MTFR1: variants seen among roughly 807,000 people sequenced by gnomAD.
MTFR1 encodes chondrocyte protein with a poly-proline region.
Under a neutral mutation model 38.8 loss-of-function variants are expected in MTFR1, and 28 were observed. That is an observed-to-expected ratio of 0.72 (90% CI 0.53 to 0.99). The LOEUF (loss-of-function observed/expected upper bound fraction) is 0.99. Ranked by LOEUF, MTFR1 falls within the 50% of genes least tolerant of loss-of-function variation. MTFR1 has a pLI of 0.00. For missense variants in MTFR1, 358 were observed against 395.5 expected (o/e 0.91, Z 0.81); for synonymous variants, 145 against 137.0 (o/e 1.06, Z -0.41).
At chr8:65,703,194 T>C (rs1805666424) in intron 4 of MTFR1, among the ~76,000 whole-genome samples, 1 of 151,246 alleles carries the variant, frequency 6.6e-6, no homozygotes, top group African/African-American at 2.4e-5. Flanking sequence ...CTGGGCAACA[T>C]TGTGAGACCC....
At chr8:65,706,987 T>C in intron 5 of MTFR1, 23 bp from the exon 6 acceptor site, 1 of 1,562,084 alleles carries the variant, frequency 6.4e-7, no homozygotes, top group Non-Finnish European at 8.6e-7. Context: ...TGGGATTAAG[T>C]TTGTTTTCCT....
At position 65,677,454 on chromosome 8, in the gene MTFR1, C is replaced by T. The variant is rs1804747584; in HGVS notation, c.67-4899C>T. ...CAGGAGTGCAGTGGCACGATGTCAG[C>T]TCACGGCAACCTCTGCCTCCCAGGT... is the stretch of plus-strand genomic sequence containing the variant. On this transcript the variant is annotated intron_variant, in intron 2 of 7. Transcript: ENST00000262146. 1.4e-5 allele frequency among the ~76,000 whole-genome samples: 2 copies of T among 146,284 alleles called. 1 individual carries two copies. Among genetic ancestry groups the T allele is most frequent in the South Asian group, 4.4e-4 (2 of 4,552 alleles).
chr8:65,710,992 G>C (rs57516975), downstream of MTFR1, among the ~76,000 whole-genome samples: 1 of 139,578 alleles, frequency 7.2e-6, no homozygotes, highest in African/African-American at 2.9e-5. Context: ...TATATATATA[G>C]AGAGAGAGAG....
In MTFR1 at chr8:65,709,102, T is replaced by G; in HGVS notation, c.*58T>G. The stretch of plus-strand genomic sequence containing the variant: ...CCCTGTTGATTTGTGAGGGCCAAGT[T>G]TGCTAGTAGAAATCGACACTGTTTA... On this transcript the variant is annotated 3_prime_UTR_variant, in exon 8 of 8. Coordinates refer to ENST00000262146, the MANE Select transcript of MTFR1 (RefSeq NM_014637.4). 1 of 1,502,552 alleles carries G rather than the reference T, an allele frequency of 6.7e-7. No homozygotes were observed. The highest frequency in any genetic ancestry group is 1.1e-5 in the South Asian group (1 of 88,678). The allele number at this position is 1,502,552 out of a possible 1,614,324, so 93.1% of individuals were successfully genotyped here. A position where few individuals can be genotyped will look rare whatever the true frequency, so the allele number is the denominator to read the frequency against.
At chr8:65,724,955 G>T in intron 3 of MTFR1, 1 of 1,424,044 alleles carries the variant, frequency 7.0e-7, no homozygotes, top group Non-Finnish European at 9.6e-7. Flanking sequence ...GAAAATATAA[G>T]ACTTTCAATT....
At chr8:65,764,391 G>A (rs1484793978) in intron 3 of MTFR1, among the ~76,000 whole-genome samples, 4 of 152,202 alleles carry the variant, frequency 2.6e-5, no homozygotes, top group African/African-American at 7.2e-5. Context: ...CTGAATGAGA[G>A]ACTAAATTAC....
At chr8:65,677,497 C>T (rs961975245) in intron 2 of MTFR1, among the ~76,000 whole-genome samples, 7 of 147,094 alleles carry the variant, frequency 4.8e-5, no homozygotes, top group African/African-American at 1.8e-4. Context: ...ATTCTCCTGC[C>T]TTAGCCTCCT....
Position 65,693,657 on chromosome 8 carries a change from C to T in MTFR1, c.179C>T (p.Ala60Val). 1 of 1,613,898 alleles carries T rather than the reference C, an allele frequency of 6.2e-7. No individual in the cohort carries two copies. The highest frequency in any genetic ancestry group is 8.5e-7 in the Non-Finnish European group (1 of 1,179,850). Residue 60 changes from alanine (A) to valine (V), a missense_variant, in exon 4 of 8, where the codon GCA becomes GTA. Transcript: ENST00000262146. ...TATAACTTACAGATTAACAGCCATG[C>T]AACAGAATGGAGTCCCAGCCACCCA... ...PRVQFQINSHATEWSPSHPGE... is the reference protein window; with the variant it reads ...PRVQFQINSHVTEWSPSHPGE...
At chr8:65,753,417 C>A (rs191661097) in intron 3 of MTFR1, among the ~76,000 whole-genome samples, 26 of 152,282 alleles carry the variant, frequency 1.7e-4, no homozygotes, top group Admixed American at 5.9e-4. Flanking sequence ...CCATACTGGG[C>A]CCAGAGAGAC....
chr8:65,750,474 C>CTGTGTGTGTGTGTGTGTGTGTG (rs371620919), intron 3 of MTFR1, among the ~76,000 whole-genome samples: 6 of 142,626 alleles, frequency 4.2e-5, no homozygotes, highest in African/African-American at 7.9e-5. Context: ...ATTAGAATCA[C>CTGTGTGTGTGTGTGTGTGTGTG]TGTGTGTGTG....
At chr8:65,657,656 G>A (rs1202632929) in intron 1 of MTFR1, among the ~76,000 whole-genome samples, 2 of 151,280 alleles carry the variant, frequency 1.3e-5, no homozygotes, top group East Asian at 3.9e-4. Context: ...GGTGAGCAAT[G>A]ATCATGCCAC....
chr8:65,768,198 G>A (rs1485217518), intron 3 of MTFR1, among the ~76,000 whole-genome samples: 1 of 152,196 alleles, frequency 6.6e-6, no homozygotes, highest in Non-Finnish European at 1.5e-5. Flanking sequence ...TTCCTACACA[G>A]TGAGCATCCA....
chr8:65,665,774 A>G (rs1161170608), intron 1 of MTFR1, among the ~76,000 whole-genome samples: 1 of 152,204 alleles, frequency 6.6e-6, no homozygotes, highest in Non-Finnish European at 1.5e-5. Context: ...CAGGCATGCA[A>G]CGTCACACCC....
chr8:65,695,844 A>G (rs1356585148), intron 4 of MTFR1, among the ~76,000 whole-genome samples: 10 of 152,314 alleles, frequency 6.6e-5, no homozygotes, highest in Admixed American at 2.6e-4. Context: ...ACGGCTGAAT[A>G]TGAGAGTGCC....
At chr8:65,668,801 A>T (rs1277765401) in intron 1 of MTFR1, among the ~76,000 whole-genome samples, 1 of 152,152 alleles carries the variant, frequency 6.6e-6, no homozygotes, top group Non-Finnish European at 1.5e-5. Context: ...GATGTGAACC[A>T]CCACGCCCGG....
intron 1 of MTFR1, among the ~76,000 whole-genome samples, chr8:65,659,577 A>G (rs1437399806): frequency 6.6e-6 from 1 of 152,146 alleles, no homozygotes; most frequent in African/African-American, 2.4e-5. Flanking sequence ...GACGTGAGGT[A>G]CAGTGGTGAG....
chr8:65,763,788 T>G (rs1392761237), intron 3 of MTFR1, among the ~76,000 whole-genome samples: 2 of 152,174 alleles, frequency 1.3e-5, no homozygotes, highest in Admixed American at 6.5e-5. Context: ...CCTTCAAAAC[T>G]TAACATACAA....
At chr8:65,713,439 A>AACACACACACACACACACAC (rs144454204), downstream of MTFR1, among the ~76,000 whole-genome samples, 104 of 137,554 alleles carry the variant, frequency 7.6e-4, no homozygotes, top group Admixed American at 2.3e-3. Context: ...TCCCATCTCA[A>AACACACACACACACACACAC]ACACACACAC....
At chr8:65,729,538 T>G (rs2128894523) in intron 3 of MTFR1, among the ~76,000 whole-genome samples, 1 of 152,216 alleles carries the variant, frequency 6.6e-6, no homozygotes, top group East Asian at 1.9e-4. Context: ...ATTGTATTTT[T>G]ATTTTTCCTA....
Sources: allele counts gnomAD v4.1 joint callset (sites outside exome capture counted in the v4.1 genomes callset), GRCh38; gene constraint gnomAD v4.1.1; transcripts MANE v1.5; gene names NCBI Gene and HGNC (gene_info 2026-07-23, HGNC 2026-07-21).